Variants in FER1L6 observed in about 807,000 individuals in gnomAD.
The protein encoded by FER1L6 is fer-1-like protein 6.
Under a neutral mutation model 219.2 loss-of-function variants are expected in FER1L6, and 177 were observed. The observed-to-expected ratio is 0.81, with a 90% CI of 0.71 to 0.91. The LOEUF is 0.91. Among genes scored for constraint, FER1L6 ranks in the 40% least tolerant of loss-of-function variants. FER1L6 has a pLI of 0.00. For synonymous variants in FER1L6, 768 were observed against 824.3 expected (o/e 0.93, Z 1.17); for missense variants, 2,153 against 2,259.9 (o/e 0.95, Z 0.96).
At chr8:124,088,655 C>A (rs1294305081) in intron 33 of FER1L6, among the ~76,000 whole-genome samples, 1 of 152,072 alleles carries the variant, frequency 6.6e-6, no homozygotes, top group African/African-American at 2.4e-5. Context: ...AGGCCCATGG[C>A]AAGTACTACC....
intron 37 of FER1L6, among the ~76,000 whole-genome samples, chr8:124,100,819 A>AT (rs1397429874): frequency 4.0e-5 from 6 of 151,194 alleles, no homozygotes; most frequent in Non-Finnish European, 7.4e-5. Flanking sequence ...TATTTCCTGA[A>AT]TTTTCTATCT....
chr8:123,890,821 AATATT>A (rs1047242205), intron 1 of FER1L6, among the ~76,000 whole-genome samples: 3 of 151,718 alleles, frequency 2.0e-5, no homozygotes, highest in African/African-American at 7.3e-5. Flanking sequence ...TTTGAGCAGA[AATATT>A]ATATTATTAA....
intron 1 of FER1L6, among the ~76,000 whole-genome samples, chr8:123,907,469 C>T (rs1812974971): frequency 6.6e-6 from 1 of 152,026 alleles, no homozygotes; most frequent in Non-Finnish European, 1.5e-5. Context: ...CTGACTTTCA[C>T]TGTGTCTAAG....
Position 123,966,208 on chromosome 8 carries a change from A to G in FER1L6, c.302A>G (p.Asp101Gly). 1.9e-6 allele frequency: 3 copies of G among 1,614,066 alleles called. No individual in the cohort carries two copies. Among genetic ancestry groups the G allele is most frequent in the Non-Finnish European group, 2.5e-6 (3 of 1,180,026 alleles). Residue 101 changes from aspartate to glycine, a missense_variant, in exon 5 of 41, where the codon GAC (aspartate) becomes GGC (glycine). Coordinates refer to ENST00000522917, the MANE Select transcript of FER1L6 (RefSeq NM_001039112.2). ...CGCCAGCTGGTGGGTGAGAACATTG[A>G]CCCAGTTGTGACCATTGAGATTGGG... ...EARQLVGENIDPVVTIEIGDE... is the reference protein window; with the variant it reads ...EARQLVGENIGPVVTIEIGDE...
intron 1 of FER1L6, among the ~76,000 whole-genome samples, chr8:123,900,818 A>T (rs2129732344): frequency 6.6e-6 from 1 of 152,250 alleles, no homozygotes; most frequent in Non-Finnish European, 1.5e-5. Context: ...TGACTTGCGT[A>T]TGTTAAACCA....
chr8:123,885,237 T>C (rs1279600284), intron 1 of FER1L6, among the ~76,000 whole-genome samples: 1 of 152,204 alleles, frequency 6.6e-6, no homozygotes, highest in Non-Finnish European at 1.5e-5. Context: ...GGCCATGCTG[T>C]TTGTGATAAC....
Position 124,116,799 on chromosome 8 carries a change from T to G in FER1L6, c.5290-2045T>G, listed in dbSNP as rs138348976. Among the ~76,000 whole-genome samples, 233 of 152,348 alleles carry G rather than the reference T, an allele frequency of 1.5e-3. 1 individual carries two copies. The highest frequency in any genetic ancestry group is 5.5e-3 in the African/African-American group (227 of 41,588). Reference sequence around the variant, plus strand: ...CAGCAGAGCTTAAGTTACCTGTGAATGATCTCTGGAAATAAGACTGTTTTG... The same window carrying G: ...CAGCAGAGCTTAAGTTACCTGTGAAGGATCTCTGGAAATAAGACTGTTTTG... On this transcript the variant is annotated intron_variant, in intron 39 of 40. Transcript: ENST00000522917.
At chr8:123,963,210 A>T in intron 2 of FER1L6, 68 bp from the exon 3 acceptor site, 1 of 1,599,384 alleles carries the variant, frequency 6.3e-7, no homozygotes, top group Non-Finnish European at 8.5e-7. Context: ...GGGCTGGCAT[A>T]AGGTAGAGGC....
chr8:123,999,105 T>A (rs572200773), intron 12 of FER1L6, among the ~76,000 whole-genome samples: 8 of 152,232 alleles, frequency 5.3e-5, no homozygotes, highest in Admixed American at 1.3e-4. Flanking sequence ...CTTTATTCTT[T>A]CCTCTCCTTT....
rs541608650 is a variant in FER1L6, at chr8:123,967,978, T to A, written c.384+1688T>A. 3.9e-4 allele frequency among the ~76,000 whole-genome samples: 59 copies of A among 152,046 alleles called. No individual in the cohort carries two copies. In the South Asian group the frequency reaches 0.012, roughly 31 times the overall value. ...CTCAGGAAAAAAAAAAAAATCTTAT[T>A]ATCTTAATGAGAATGGTCATTTAAA... On this transcript the variant is annotated intron_variant, in intron 5 of 40. Coordinates refer to ENST00000522917, the MANE Select transcript of FER1L6 (RefSeq NM_001039112.2).
rs138856743 is a variant in FER1L6, at chr8:123,900,010, T to C, written c.-8+47825T>C. Among the ~76,000 whole-genome samples the C allele has an allele frequency of 6.8e-3, 1,038 of 152,246 alleles. 6 individuals are homozygous for C. Among genetic ancestry groups the C allele is most frequent in the Non-Finnish European group, 0.011 (731 of 68,002 alleles). Reference sequence around the variant, plus strand: ...TTTTGGTTCCATATGAATTTTAGAATTGTTTTTCTAATGCTGTGAAGAATG... The same window carrying C: ...TTTTGGTTCCATATGAATTTTAGAACTGTTTTTCTAATGCTGTGAAGAATG... On this transcript the variant is annotated intron_variant, in intron 1 of 40. Coordinates refer to ENST00000522917, the MANE Select transcript of FER1L6 (RefSeq NM_001039112.2).
At chr8:123,985,063 T>C (rs1047317471) in intron 11 of FER1L6, 2 of 152,206 alleles carry the variant, frequency 1.3e-5, no homozygotes, top group African/African-American at 4.8e-5. Flanking sequence ...TAATTGTGTA[T>C]TCCCTTGTGA....
chr8:124,090,048 ATTGAC>A (rs1453988243), intron 33 of FER1L6, among the ~76,000 whole-genome samples: 1 of 152,298 alleles, frequency 6.6e-6, no homozygotes, highest in East Asian at 1.9e-4. Context: ...CTCTCTGATA[ATTGAC>A]TTAACATTTA....
chr8:124,005,550 C>T (rs375238337), intron 13 of FER1L6, among the ~76,000 whole-genome samples: 60 of 152,218 alleles, frequency 3.9e-4, no homozygotes, highest in African/African-American at 1.4e-3. Flanking sequence ...TTGTCCTCAC[C>T]TCCCCCAAGC....
intron 33 of FER1L6, among the ~76,000 whole-genome samples, chr8:124,089,431 C>T (rs1821927258): frequency 6.6e-6 from 1 of 152,214 alleles, no homozygotes; most frequent in African/African-American, 2.4e-5. Context: ...TTCTTACCCT[C>T]TTTAGTGCCT....
In FER1L6 at chr8:124,085,480, C is replaced by T. The variant is rs1469470502; in HGVS notation, c.4391+3022C>T. Among the ~76,000 whole-genome samples the T allele has an allele frequency of 2.6e-5, 4 of 152,010 alleles. No individual in the cohort carries two copies. The East Asian group carries it at 5.8e-4, about 22-fold the overall frequency. ...TTCTTTCTTAATTTCTTCATTGTCC[C>T]ACTGGCCATTCAGGAGCATATTGTT... is the stretch of plus-strand genomic sequence containing the variant. On this transcript the variant is annotated intron_variant, in intron 33 of 40. Transcript: ENST00000522917.
intron 1 of FER1L6, among the ~76,000 whole-genome samples, chr8:123,927,440 C>G (rs778747407): frequency 3.9e-5 from 6 of 152,172 alleles, no homozygotes; most frequent in Non-Finnish European, 7.3e-5. Flanking sequence ...TTTGGGAAAA[C>G]CGTGGGACAT....
chr8:123,938,383 GA>G (rs1814086824), intron 1 of FER1L6, among the ~76,000 whole-genome samples: 1 of 152,170 alleles, frequency 6.6e-6, no homozygotes, highest in Non-Finnish European at 1.5e-5. Context: ...GTTGAATCAT[GA>G]ATGGGAGTTG....
At chr8:124,045,643 A>C (rs189266336) in intron 20 of FER1L6, 124 bp from the exon 21 acceptor site, 13 of 1,050,012 alleles carry the variant, frequency 1.2e-5, no homozygotes, top group Non-Finnish European at 1.6e-5. Flanking sequence ...TTGAATATTG[A>C]ATGGTGAGCA....
Sources: gnomAD v4.1 joint callset for allele counts (sites outside exome capture counted in the v4.1 genomes callset) on GRCh38, gnomAD v4.1.1 for gene constraint, MANE v1.5 for transcripts, NCBI Gene and HGNC (gene_info 2026-07-23, HGNC 2026-07-21) for gene names.